Variants in GARNL3 observed in about 807,000 individuals in gnomAD.
GARNL3 encodes GTPase-activating Rap/Ran-GAP domain-like protein 3.
In GARNL3, 63 loss-of-function variants were observed where a neutral mutation model predicts 125.0. The ratio of observed to expected loss-of-function variants is 0.50; its 90% CI spans 0.41 to 0.62. The LOEUF is 0.62. Among genes scored for constraint, GARNL3 ranks in the 20% least tolerant of loss-of-function variants. The pLI is 0.00. For missense variants in GARNL3, 994 were observed against 1,244.0 expected (o/e 0.80, Z 3.02); for synonymous variants, 439 against 457.5 (o/e 0.96, Z 0.52).
At chr9:127,329,574 T>C (rs1168668003) in intron 7 of GARNL3, among the ~76,000 whole-genome samples, 1 of 151,942 alleles carries the variant, frequency 6.6e-6, no homozygotes, top group African/African-American at 2.4e-5. Context: ...AGCAGGGGTA[T>C]GGTAGCATGG....
chr9:127,382,701 C>G (rs1832332782), intron 22 of GARNL3, among the ~76,000 whole-genome samples: 1 of 152,172 alleles, frequency 6.6e-6, no homozygotes, highest in South Asian at 2.1e-4. Context: ...CTTTCTCACT[C>G]TAAGAGGGTC....
At chr9:127,342,503 CAAG>C (rs1397890373) in intron 14 of GARNL3, among the ~76,000 whole-genome samples, 169 bp downstream of exon 14, 1 of 152,084 alleles carries the variant, frequency 6.6e-6, no homozygotes, top group Non-Finnish European at 1.5e-5. Context: ...CATTGTGACA[CAAG>C]AAGGAAGGAC....
At position 127,393,364 on chromosome 9, in the gene GARNL3, C is replaced by A; in HGVS notation, c.*110C>A. On this transcript the variant is annotated 3_prime_UTR_variant, in exon 28 of 28. Coordinates refer to ENST00000373387, the MANE Select transcript of GARNL3 (RefSeq NM_032293.5). ...ATGTGGCTTTTAGCCTGTCAGTGAT[C>A]TATTGGACCAAACCTTCTGCACACT... 1 of 987,022 alleles carries A rather than the reference C, an allele frequency of 1.0e-6. No homozygotes were observed. The highest frequency in any genetic ancestry group is 1.5e-6 in the Non-Finnish European group (1 of 665,068). 61.1% of individuals were successfully genotyped at this position (987,022 alleles called of 1,614,324 possible). A position where few individuals can be genotyped will look rare whatever the true frequency, so the allele number is the denominator to read the frequency against.
chr9:127,285,770 T>A (rs2064234352), intron 1 of GARNL3, among the ~76,000 whole-genome samples: 1 of 152,192 alleles, frequency 6.6e-6, no homozygotes, highest in Admixed American at 6.5e-5. Flanking sequence ...ATTTGATGTC[T>A]TTTTCTCCTA....
chr9:127,241,928 C>T (rs910489110), intron 1 of GARNL3, among the ~76,000 whole-genome samples: 1 of 150,046 alleles, frequency 6.7e-6, no homozygotes, highest in Non-Finnish European at 1.5e-5. Context: ...CCACTATGCC[C>T]GGCCTGGTTT....
intron 6 of GARNL3, among the ~76,000 whole-genome samples, chr9:127,323,979 G>C (rs1458791645): frequency 6.6e-6 from 1 of 152,106 alleles, no homozygotes; most frequent in Non-Finnish European, 1.5e-5. Context: ...GCCAGGCGTG[G>C]TGGCTCACGC....
chr9:127,236,505 G>A (rs1388635684), intron 1 of GARNL3, among the ~76,000 whole-genome samples: 1 of 152,216 alleles, frequency 6.6e-6, no homozygotes, highest in Non-Finnish European at 1.5e-5. Context: ...CCGGAGCACA[G>A]TGGCGTGATC....
At position 127,300,472 on chromosome 9, in the gene GARNL3, C is replaced by CT. The variant is rs1055038884; in HGVS notation, c.219+9238dup. 6.4e-4 allele frequency: 261 copies of CT among 408,280 alleles called. 1 individual carries two copies. Among genetic ancestry groups the CT allele is most frequent in the Middle Eastern group, 4.1e-3 (5 of 1,212 alleles). 25.3% of individuals were successfully genotyped at this position (408,280 alleles called of 1,614,324 possible). ...CCAGCTTCTTGTTTGGGTGAATTTT[C>CT]TTTTTTTTGTTGTTTTTTGAGACGT... On this transcript the variant is annotated intron_variant, in intron 2 of 27. Transcript: ENST00000373387.
At chr9:127,231,228 GTT>G (rs34963289) in intron 1 of GARNL3, among the ~76,000 whole-genome samples, 1 of 100,534 alleles carries the variant, frequency 9.9e-6, no homozygotes, top group African/African-American at 3.8e-5. Context: ...CTAATTTTTT[GTT>G]TTTTTTTTTT....
At chr9:127,292,428 G>A (rs1389105098) in intron 2 of GARNL3, among the ~76,000 whole-genome samples, 3 of 152,200 alleles carry the variant, frequency 2.0e-5, no homozygotes, top group Non-Finnish European at 4.4e-5. Context: ...GTTCTCAGGA[G>A]CTAAGCCAGG....
At position 127,280,909 on chromosome 9, in the gene GARNL3, T is replaced by TG. The variant is rs1365493981; in HGVS notation, c.145-10256dup. Among the ~76,000 whole-genome samples, 1 of 152,118 alleles carries TG rather than the reference T, an allele frequency of 6.6e-6. No individual in the cohort carries two copies. The highest frequency in any genetic ancestry group is 2.4e-5 in the African/African-American group (1 of 41,418). ...GTGACAGATAAGGTGGAGGATGTGA[T>TG]GGGAAGTACAAAAATAATGGCTCAG... is the stretch of plus-strand genomic sequence containing the variant. On this transcript the variant is annotated intron_variant, in intron 1 of 27. Transcript: ENST00000373387. This position sits in a 1 kb window ranked among gnomAD's most constrained non-coding sequence, Gnocchi z 4.5.
chr9:127,296,519 T>G (rs1429236889), intron 2 of GARNL3, among the ~76,000 whole-genome samples: 1 of 144,698 alleles, frequency 6.9e-6, no homozygotes, highest in Non-Finnish European at 1.5e-5. Context: ...TTGCCCAGGC[T>G]GGAGTGCAAT....
At chr9:127,313,892 C>A (rs1449257902) in intron 4 of GARNL3, among the ~76,000 whole-genome samples, 1 of 152,192 alleles carries the variant, frequency 6.6e-6, no homozygotes, top group East Asian at 1.9e-4. Context: ...CCTCCTCCTG[C>A]TCCTCTTGTG....
At chr9:127,281,086 A>G (rs1380226533) in intron 1 of GARNL3, among the ~76,000 whole-genome samples, 1 of 152,070 alleles carries the variant, frequency 6.6e-6, no homozygotes, top group Non-Finnish European at 1.5e-5. Flanking sequence ...TGGCACGAGG[A>G]GGAGTGAGCA....
Position 127,393,297 on chromosome 9 carries a change from G to C in GARNL3, c.*43G>C, listed in dbSNP as rs1026645462. The C allele has an allele frequency of 3.2e-6, 5 of 1,547,144 alleles. No individual in the cohort carries two copies. The highest frequency in any genetic ancestry group is 1.4e-5 in the African/African-American group (1 of 73,570). ...TGCCATCTTTAGTTTTCTTATGGAG[G>C]TTTATACTCTTTAAACAGTTCTGAT... On this transcript the variant is annotated 3_prime_UTR_variant, in exon 28 of 28. Transcript: ENST00000373387.
chr9:127,228,886 C>T (rs2062957084), intron 1 of GARNL3, among the ~76,000 whole-genome samples: 1 of 151,952 alleles, frequency 6.6e-6, no homozygotes, highest in African/African-American at 2.4e-5. Context: ...TACAGTGGCT[C>T]AATCTCGGCT....
chr9:127,345,518 T>C, intron 16 of GARNL3, 41 bp downstream of exon 16: 1 of 1,238,858 alleles, frequency 8.1e-7, no homozygotes, highest in African/African-American at 1.5e-5. Flanking sequence ...TGAATTCCCC[T>C]TTTCCTTAAT....
chr9:127,388,229 T>C (rs1388767008), intron 25 of GARNL3, among the ~76,000 whole-genome samples: 4 of 151,098 alleles, frequency 2.6e-5, no homozygotes, highest in Non-Finnish European at 5.9e-5. Context: ...GGTGGGAGGA[T>C]CACTTGAGCC....
intron 2 of GARNL3, among the ~76,000 whole-genome samples, chr9:127,243,697 T>C (rs2063243133): frequency 6.6e-6 from 1 of 152,194 alleles, no homozygotes; most frequent in Non-Finnish European, 1.5e-5. Context: ...AAATAGTATA[T>C]GGAAGCAAAA....
Sources: allele counts gnomAD v4.1 joint callset (sites outside exome capture counted in the v4.1 genomes callset), GRCh38; gene constraint gnomAD v4.1.1; non-coding constraint Gnocchi (gnomAD v3.1); transcripts MANE v1.5; gene names NCBI Gene and HGNC (gene_info 2026-07-23, HGNC 2026-07-21).